KCNQ3: variants seen among roughly 807,000 people sequenced by gnomAD.
KCNQ3 encodes the protein potassium voltage-gated channel subfamily KQT member 3.
Under a neutral mutation model 92.5 loss-of-function variants are expected in KCNQ3, and 30 were observed. The observed-to-expected ratio is 0.32, with a 90% CI of 0.24 to 0.44. The LOEUF is 0.44. KCNQ3 is among the 20% of genes least tolerant of loss of function. KCNQ3 has a pLI of 1.00. For synonymous variants in KCNQ3, 450 were observed against 468.8 expected, an observed-to-expected ratio of 0.96 and a Z score of 0.52; for missense variants, 913 against 1,140.3, an observed-to-expected ratio of 0.80 and a Z score of 2.87.
rs1824747060 is a variant in KCNQ3 at position 132,128,570 on chromosome 8, C to T, written c.*692G>A. 1 of 149,888 alleles carries T rather than the reference C, an allele frequency of 6.7e-6. No individual in the cohort carries two copies. The highest frequency in any genetic ancestry group is 2.5e-5 in the African/African-American group (1 of 40,694). 9.3% of individuals were successfully genotyped at this position (149,888 alleles called of 1,614,324 possible). ...GTTTTCTCCCTGCCAATTCATAACT[C>T]ATCAGAAATGCTACACTTGGGATTA... On this transcript the variant is annotated 3_prime_UTR_variant, in exon 15 of 15. Coordinates refer to ENST00000388996, the MANE Select transcript of KCNQ3 (RefSeq NM_004519.4).
chr8:132,432,363 A>T (rs991499954), intron 1 of KCNQ3, among the ~76,000 whole-genome samples: 1 of 152,076 alleles, frequency 6.6e-6, no homozygotes, highest in Non-Finnish European at 1.5e-5. Context: ...GGCAAAAAAA[A>T]AAAAACCTGG....
intron 1 of KCNQ3, among the ~76,000 whole-genome samples, chr8:132,190,190 G>A (rs1006147663): frequency 1.3e-5 from 2 of 152,092 alleles, no homozygotes; most frequent in Admixed American, 6.6e-5. Flanking sequence ...CCTGTACCTC[G>A]GATATGTATA....
At chr8:132,272,755 G>C (rs1041204643) in intron 1 of KCNQ3, among the ~76,000 whole-genome samples, 6 of 152,014 alleles carry the variant, frequency 3.9e-5, no homozygotes, top group African/African-American at 1.5e-4. Flanking sequence ...CCTTCCACTG[G>C]GTCCCTCCCA....
intron 1 of KCNQ3, among the ~76,000 whole-genome samples, chr8:132,255,063 G>A (rs995680682): frequency 6.6e-6 from 1 of 151,892 alleles, no homozygotes; most frequent in African/African-American, 2.4e-5. Context: ...TAAGAACAAT[G>A]AGCTTTGTTG....
intron 1 of KCNQ3, among the ~76,000 whole-genome samples, chr8:132,245,356 C>A (rs1011230169): frequency 3.3e-5 from 5 of 152,126 alleles, no homozygotes; most frequent in Non-Finnish European, 4.4e-5. Context: ...CTGCAAAACT[C>A]CTATCTATTT....
intron 1 of KCNQ3, among the ~76,000 whole-genome samples, chr8:132,246,731 C>T (rs902055046): frequency 1.3e-5 from 2 of 152,202 alleles, no homozygotes; most frequent in African/African-American, 4.8e-5. Context: ...CGCTCTTCAA[C>T]TCCGTCTTTC....
At chr8:132,438,777 G>A (rs751359616) in intron 1 of KCNQ3, among the ~76,000 whole-genome samples, 47 of 151,958 alleles carry the variant, frequency 3.1e-4, no homozygotes, top group Non-Finnish European at 3.8e-4. Context: ...GATAGCTGCC[G>A]TGTGTTGTTC....
rs111459642 is a variant in KCNQ3, at chr8:132,208,733, A to C, written c.387-22552T>G. On this transcript the variant is annotated intron_variant, in intron 1 of 14. Coordinates refer to ENST00000388996, the MANE Select transcript of KCNQ3 (RefSeq NM_004519.4). ...ATTTCCTCCCCTGCAAAACGGGTCT[A>C]ATCAATAGACTTCTAATGGGTCTAA... 6.2e-3 allele frequency among the ~76,000 whole-genome samples: 941 copies of C among 152,266 alleles called. 11 individuals carry two copies. The highest frequency in any genetic ancestry group is 0.019 in the African/African-American group (806 of 41,536).
intron 9 of KCNQ3, among the ~76,000 whole-genome samples, chr8:132,155,461 A>T (rs1825773007): frequency 6.6e-6 from 1 of 152,204 alleles, no homozygotes; most frequent in African/African-American, 2.4e-5. Context: ...AACAATGATA[A>T]TAAAAGCAAA....
At chr8:132,330,829 C>T (rs1321937859) in intron 1 of KCNQ3, among the ~76,000 whole-genome samples, 1 of 152,140 alleles carries the variant, frequency 6.6e-6, no homozygotes, top group Non-Finnish European at 1.5e-5. Context: ...TTTCCCAGGC[C>T]ACACTGGGCA....
At chr8:132,450,971 G>C (rs1439641119) in intron 1 of KCNQ3, among the ~76,000 whole-genome samples, 1 of 152,232 alleles carries the variant, frequency 6.6e-6, no homozygotes, top group Non-Finnish European at 1.5e-5. Flanking sequence ...GATGCCCTTT[G>C]TTCTGAGCCT....
At chr8:132,157,815 C>T (rs1305447454) in intron 9 of KCNQ3, among the ~76,000 whole-genome samples, 2 of 152,046 alleles carry the variant, frequency 1.3e-5, no homozygotes, top group African/African-American at 2.4e-5. Context: ...TGCCCTAATG[C>T]TCTCCTGCCC....
In KCNQ3 at chr8:132,480,806, G is replaced by GAGGGCGCGCGAGGCTGGCGCGGAGGCGCT. The variant is rs1822545779; in HGVS notation, c.-303_-275dup. On this transcript the variant is annotated 5_prime_UTR_variant, in exon 1 of 15. Transcript: ENST00000388996. ...GGGCCGGGGGCTGCGGAGAAGCTGG[G>GAGGGCGCGCGAGGCTGGCGCGGAGGCGCT]AGGGCGCGCGAGGCTGGCGCGGAGG... is the stretch of plus-strand genomic sequence containing the variant. 1.2e-5 allele frequency: 2 copies of GAGGGCGCGCGAGGCTGGCGCGGAGGCGCT among 166,208 alleles called. No individual in the cohort carries two copies. Among genetic ancestry groups the GAGGGCGCGCGAGGCTGGCGCGGAGGCGCT allele is most frequent in the Non-Finnish European group, 2.5e-5 (2 of 80,748 alleles). The allele number at this position is 166,208 out of a possible 1,614,324, so 10.3% of individuals were successfully genotyped here. A position where few individuals can be genotyped will look rare whatever the true frequency, so the allele number is the denominator to read the frequency against.
At chr8:132,140,772 G>A in intron 10 of KCNQ3, 1 of 303,956 alleles carries the variant, frequency 3.3e-6, no homozygotes, top group Non-Finnish European at 6.2e-6. Context: ...CACTCTTCCC[G>A]TGCCCTGGTC....
chr8:132,461,712 C>T (rs371107431), intron 1 of KCNQ3, among the ~76,000 whole-genome samples: 5 of 152,316 alleles, frequency 3.3e-5, no homozygotes, highest in African/African-American at 1.2e-4. Context: ...ATTTTAGCCA[C>T]CCCCATTCAA....
At chr8:132,211,535 T>G (rs1199180275) in intron 1 of KCNQ3, among the ~76,000 whole-genome samples, 1 of 152,236 alleles carries the variant, frequency 6.6e-6, no homozygotes. Flanking sequence ...CTTTTTCAGA[T>G]AACCTTTTGA....
At chr8:132,179,763 T>A (rs1182653813) in intron 4 of KCNQ3, among the ~76,000 whole-genome samples, 1 of 152,086 alleles carries the variant, frequency 6.6e-6, no homozygotes, top group East Asian at 1.9e-4. Context: ...ACCTGTGTGA[T>A]CCCCAAGCCT....
intron 1 of KCNQ3, among the ~76,000 whole-genome samples, chr8:132,281,079 C>T (rs746093824): frequency 4.0e-4 from 61 of 152,278 alleles, no homozygotes; most frequent in Non-Finnish European, 7.9e-4. Context: ...TTAGGCACCA[C>T]CTGTCTTCAG....
At chr8:132,313,270 A>C (rs1817648124) in intron 1 of KCNQ3, among the ~76,000 whole-genome samples, 1 of 152,258 alleles carries the variant, frequency 6.6e-6, no homozygotes, top group Admixed American at 6.5e-5. Flanking sequence ...TAGTTTAGAA[A>C]AACAGAAAAG....
Sources: gnomAD v4.1 joint callset for allele counts (sites outside exome capture counted in the v4.1 genomes callset) on GRCh38, gnomAD v4.1.1 for gene constraint, MANE v1.5 for transcripts, NCBI Gene and HGNC (gene_info 2026-07-23, HGNC 2026-07-21) for gene names.